ASH1L: variants seen among roughly 807,000 people sequenced by gnomAD.
ASH1L encodes the protein histone-lysine N-methyltransferase ASH1L.
ASH1L carries 23 observed loss-of-function variants against 269.0 expected under a neutral mutation model. The observed-to-expected ratio is 0.09, with a 90% CI of 0.06 to 0.12. The LOEUF (loss-of-function observed/expected upper bound fraction) is 0.12, where lower values mean the gene tolerates loss of function less well. ASH1L is among the 10% of genes least tolerant of loss of function. ASH1L has a pLI of 1.00. For synonymous variants in ASH1L, 1,187 were observed against 1,253.5 expected, an observed-to-expected ratio of 0.95 and a Z score of 1.12; for missense variants, 2,912 against 3,567.8, an observed-to-expected ratio of 0.82 and a Z score of 4.68.
intron 7 of ASH1L, among the ~76,000 whole-genome samples, chr1:155,389,575 A>G (rs1365720736): frequency 6.6e-6 from 1 of 152,048 alleles, no homozygotes; most frequent in Non-Finnish European, 1.5e-5. Context: ...CAGGAGGCTG[A>G]GGTGCAAGAA....
intron 1 of ASH1L, among the ~76,000 whole-genome samples, chr1:155,528,631 G>A (rs188444534): frequency 2.2e-3 from 340 of 152,194 alleles, no homozygotes; most frequent in African/African-American, 7.4e-3. Flanking sequence ...GCCTTCAGTT[G>A]AGTAGATGAA....
At chr1:155,396,844 C>T (rs1478295086) in intron 6 of ASH1L, 1 of 151,244 alleles carries the variant, frequency 6.6e-6, no homozygotes. Flanking sequence ...TGCCTGTAAT[C>T]CCAGCTACTT....
intron 1 of ASH1L, among the ~76,000 whole-genome samples, chr1:155,522,677 G>T (rs929253636): frequency 1.3e-5 from 2 of 151,298 alleles, no homozygotes; most frequent in African/African-American, 4.9e-5. Flanking sequence ...TCATTAGGGA[G>T]ATTAGTGAAT....
At chr1:155,459,747 T>C (rs368436478) in intron 4 of ASH1L, 50 bp downstream of exon 4, 18 of 1,437,802 alleles carry the variant, frequency 1.3e-5, no homozygotes, top group Non-Finnish European at 1.8e-5. Flanking sequence ...TATTCACAAA[T>C]AACAAATGGG....
chr1:155,414,072 A>C (rs1334145470), intron 6 of ASH1L, among the ~76,000 whole-genome samples: 1 of 152,188 alleles, frequency 6.6e-6, no homozygotes, highest in Admixed American at 6.5e-5. Context: ...CTTTAACACC[A>C]CCAAACGAGA....
At chr1:155,508,238 A>G (rs1000703226) in intron 2 of ASH1L, among the ~76,000 whole-genome samples, 2 of 152,236 alleles carry the variant, frequency 1.3e-5, no homozygotes, top group African/African-American at 4.8e-5. Context: ...AATGGCAGAC[A>G]CCACATGTAA....
At position 155,415,877 on chromosome 1, in the gene ASH1L, C is replaced by T; in HGVS notation, c.5875G>A (p.Ala1959Thr). ...GTACTTTCAGGTTCAGAAGGTTTAG[C>T]TGGGGTTTCAGAAGGACTGGGAATC... ...VEIPSPSETP[A>T]KPSEPESTLQ... Residue 1959 changes from alanine (A) to threonine (T), a missense_variant, in exon 6 of 28, where the codon GCT (alanine) becomes ACT (threonine). Physicochemically the swap from Ala to Thr is moderately conservative, Grantham distance 58. This residue lies in a region of ASH1L where 193 missense variants were observed against 311.6 expected (regional missense o/e 0.62). Transcript: ENST00000392403. The T allele has an allele frequency of 6.2e-7, 1 of 1,611,082 alleles. No homozygotes were observed. The highest frequency in any genetic ancestry group is 2.2e-5 in the East Asian group (1 of 44,774).
intron 5 of ASH1L, among the ~76,000 whole-genome samples, chr1:155,418,532 T>C (rs1180227829): frequency 2.6e-5 from 4 of 152,050 alleles, no homozygotes; most frequent in East Asian, 1.9e-4. Context: ...GAAAACTTAC[T>C]ACTAAAACAA....
chr1:155,562,115 G>A (rs758112300), intron 1 of ASH1L, 38 bp downstream of exon 1: 4 of 1,332,166 alleles, frequency 3.0e-6, no homozygotes, highest in South Asian at 1.3e-5. Context: ...CTGAGAGAGT[G>A]CTTAGGCCCG....
chr1:155,498,917 T>TAA (rs56675557), intron 2 of ASH1L, among the ~76,000 whole-genome samples: 13 of 80,198 alleles, frequency 1.6e-4, no homozygotes, highest in African/African-American at 4.4e-4. Context: ...AGAACAGGAG[T>TAA]AAAAAAAAAA....
chr1:155,344,094 G>A, intron 22 of ASH1L, 89 bp downstream of exon 22: 1 of 1,173,128 alleles, frequency 8.5e-7, no homozygotes, highest in South Asian at 1.3e-5. Flanking sequence ...AGGCCGTATG[G>A]AGACAATGAC....
intron 1 of ASH1L, among the ~76,000 whole-genome samples, chr1:155,557,189 TG>T (rs1671651305): frequency 6.6e-6 from 1 of 152,114 alleles, no homozygotes; most frequent in Admixed American, 6.6e-5. Context: ...AGCTGTTCAA[TG>T]AAAAAATACA....
At chr1:155,394,371 A>T (rs968060325) in intron 7 of ASH1L, among the ~76,000 whole-genome samples, 1 of 152,220 alleles carries the variant, frequency 6.6e-6, no homozygotes, top group Admixed American at 6.6e-5. Flanking sequence ...ATGGTAAGCC[A>T]TGCAAAGCTT....
At chr1:155,350,267 C>T (rs968710291) in intron 17 of ASH1L, among the ~76,000 whole-genome samples, 1 of 152,142 alleles carries the variant, frequency 6.6e-6, no homozygotes, top group African/African-American at 2.4e-5. Flanking sequence ...GGTGATTCAC[C>T]TGCCTCGGCC....
intron 5 of ASH1L, among the ~76,000 whole-genome samples, chr1:155,420,161 T>C (rs1266489991): frequency 1.3e-5 from 2 of 151,304 alleles, no homozygotes; most frequent in East Asian, 2.0e-4. Flanking sequence ...CTACTTAAAA[T>C]ACAAAATACA....
rs768915872 is a variant in ASH1L, at chr1:155,357,573, A to G, written c.6960+12T>C. 4.8e-5 allele frequency: 77 copies of G among 1,613,820 alleles called. No homozygotes were observed. The South Asian group carries it at 5.6e-4, about 12-fold the overall frequency. On this transcript the variant is annotated intron_variant, in intron 14 of 27. Transcript: ENST00000392403. ...AACAGCTTTTGGGGAAAGTCATTAG[A>G]TAATTATTCACCCTTTTCTTCAGCT...
chr1:155,518,740 A>C (rs1668662685), intron 2 of ASH1L, among the ~76,000 whole-genome samples: 1 of 150,358 alleles, frequency 6.7e-6, no homozygotes, highest in African/African-American at 2.4e-5. Flanking sequence ...GAAGAAAACA[A>C]AAGGAAGGGG....
At chr1:155,373,629 G>A (rs1323027960) in intron 10 of ASH1L, among the ~76,000 whole-genome samples, 2 of 151,926 alleles carry the variant, frequency 1.3e-5, no homozygotes, top group African/African-American at 4.8e-5. Flanking sequence ...TAGTTTTGGT[G>A]TATGGTTTGA....
chr1:155,470,479 AC>A (rs1303627796), intron 3 of ASH1L, among the ~76,000 whole-genome samples: 15 of 151,982 alleles, frequency 9.9e-5, no homozygotes, highest in East Asian at 1.9e-4. Context: ...ACAAAAAAAA[AC>A]AAAAAAAAAA....
Sources: gnomAD v4.1 joint callset for allele counts (sites outside exome capture counted in the v4.1 genomes callset) on GRCh38, gnomAD v4.1.1 for gene constraint, gnomAD v4.1.1 regional missense constraint, MANE v1.5 for transcripts, NCBI Gene and HGNC (gene_info 2026-07-23, HGNC 2026-07-21) for gene names.